The following WWOX variants were observed in gnomAD, a reference collection of about 807,000 sequenced individuals.
The protein encoded by WWOX is WW domain containing oxidoreductase, also known as WW domain-containing oxidoreductase.
In WWOX, 69 loss-of-function variants were observed where a neutral mutation model predicts 46.2. The observed-to-expected ratio is 1.49, with a 90% CI of 1.23 to 1.82. The LOEUF is 1.82. Among genes scored for constraint, WWOX ranks in the 40% most tolerant of loss-of-function variants. The pLI is 0.00. For synonymous variants in WWOX, 359 were observed against 202.6 expected (o/e 1.77, Z -6.56); for missense variants, 919 against 542.6 (o/e 1.69, Z -6.89).
chr16:78,511,335 G>A (rs1238708759), intron 8 of WWOX, among the ~76,000 whole-genome samples: 11 of 152,174 alleles, frequency 7.2e-5, no homozygotes, highest in African/African-American at 2.2e-4. Flanking sequence ...CACTATGACC[G>A]TTGACGAAGG....
chr16:78,708,265 G>A (rs1176940547), intron 8 of WWOX, among the ~76,000 whole-genome samples: 3 of 152,152 alleles, frequency 2.0e-5, no homozygotes, highest in Admixed American at 6.5e-5. Context: ...TTTTAAAAAT[G>A]TATCCCATGC....
At chr16:78,776,420 T>C (rs1184722829) in intron 8 of WWOX, among the ~76,000 whole-genome samples, 2 of 152,170 alleles carry the variant, frequency 1.3e-5, no homozygotes, top group African/African-American at 4.8e-5. Context: ...CTACTGTTCG[T>C]CAGTTTTCTC....
chr16:78,504,554 A>G (rs535732124), intron 8 of WWOX, among the ~76,000 whole-genome samples: 116 of 152,302 alleles, frequency 7.6e-4, no homozygotes, highest in African/African-American at 2.6e-3. Context: ...TGCTCAACAG[A>G]CTGGCTCATT....
At chr16:79,195,697 C>G (rs929678914) in intron 8 of WWOX, among the ~76,000 whole-genome samples, 2 of 152,246 alleles carry the variant, frequency 1.3e-5, no homozygotes, top group African/African-American at 4.8e-5. Flanking sequence ...GGAGCTAGCT[C>G]CTTGTGAAGG....
At chr16:78,676,342 A>G (rs769306163) in intron 8 of WWOX, among the ~76,000 whole-genome samples, 17 of 151,818 alleles carry the variant, frequency 1.1e-4, no homozygotes, top group Non-Finnish European at 1.5e-4. Flanking sequence ...ATTGCCCTCC[A>G]TTCAGATCTT....
At chr16:78,336,839 A>G (rs1175873327) in intron 5 of WWOX, among the ~76,000 whole-genome samples, 1 of 152,074 alleles carries the variant, frequency 6.6e-6, no homozygotes, top group Non-Finnish European at 1.5e-5. Flanking sequence ...ATTTCCCAGG[A>G]TGGAGTGCAG....
intron 8 of WWOX, among the ~76,000 whole-genome samples, chr16:78,940,858 A>G (rs892932239): frequency 6.6e-6 from 1 of 151,954 alleles, no homozygotes; most frequent in Admixed American, 6.6e-5. Context: ...GCTTCATTCT[A>G]ATAAGTTGTA....
chr16:78,789,690 G>A (rs574759929), intron 8 of WWOX, among the ~76,000 whole-genome samples: 2 of 152,112 alleles, frequency 1.3e-5, no homozygotes, highest in Non-Finnish European at 2.9e-5. Context: ...AATCATGGCA[G>A]TGTTCAATAA....
intron 8 of WWOX, among the ~76,000 whole-genome samples, chr16:78,982,162 A>G (rs1046563681): frequency 1.8e-4 from 27 of 152,188 alleles, no homozygotes; most frequent in African/African-American, 5.8e-4. Context: ...GAAAAAAAAT[A>G]AAAAGAAACG....
chr16:78,955,140 A>T (rs567739359), intron 8 of WWOX, among the ~76,000 whole-genome samples: 2 of 152,272 alleles, frequency 1.3e-5, no homozygotes, highest in South Asian at 2.1e-4. Flanking sequence ...GGCCCACAGG[A>T]AAAGGAAACT....
chr16:78,799,544 C>T (rs768372921), intron 8 of WWOX, among the ~76,000 whole-genome samples: 13 of 152,212 alleles, frequency 8.5e-5, no homozygotes, highest in African/African-American at 2.2e-4. Context: ...AAGTCCACTC[C>T]GAATCTCTGC....
At chr16:78,410,993 T>C (rs1371166588) in intron 6 of WWOX, among the ~76,000 whole-genome samples, 1 of 152,104 alleles carries the variant, frequency 6.6e-6, no homozygotes, top group Non-Finnish European at 1.5e-5. Context: ...GGCCTCTTCA[T>C]GGGGCAGTTG....
rs1292009446 is a variant in WWOX at position 78,700,920 on chromosome 16, A to G, written c.1056+268168A>G. 2.6e-5 allele frequency among the ~76,000 whole-genome samples: 4 copies of G among 152,214 alleles called. 1 individual carries two copies. The highest frequency in any genetic ancestry group is 4.1e-4 in the South Asian group (2 of 4,822). ...TATGGTGAAAATCATCTCAAAAGGC[A>G]GAGGGCAAGAAATTGATATTTATTG... is the stretch of plus-strand genomic sequence containing the variant. On this transcript the variant is annotated intron_variant, in intron 8 of 8. Coordinates refer to ENST00000566780, the MANE Select transcript of WWOX (RefSeq NM_016373.4).
intron 8 of WWOX, among the ~76,000 whole-genome samples, chr16:78,975,338 G>A (rs1387411676): frequency 6.6e-6 from 1 of 152,098 alleles, no homozygotes; most frequent in Admixed American, 6.6e-5. Flanking sequence ...GGGGGTAGAG[G>A]CCGGGGATAG....
At chr16:79,002,673 A>G (rs1269214491) in intron 8 of WWOX, among the ~76,000 whole-genome samples, 2 of 152,188 alleles carry the variant, frequency 1.3e-5, no homozygotes, top group Admixed American at 6.5e-5. Flanking sequence ...TTTAATCTTC[A>G]CAAGCAAACT....
intron 8 of WWOX, among the ~76,000 whole-genome samples, chr16:78,727,151 C>T (rs1047046212): frequency 1.3e-5 from 2 of 152,194 alleles, no homozygotes; most frequent in African/African-American, 4.8e-5. Context: ...ATAATGCCAG[C>T]ACTTTGGGAG....
At chr16:79,092,206 A>G (rs1045410805) in intron 8 of WWOX, among the ~76,000 whole-genome samples, 16 of 152,154 alleles carry the variant, frequency 1.1e-4, no homozygotes, top group Non-Finnish European at 2.1e-4. Context: ...GCAGGGAGCC[A>G]TTTATGACTA....
chr16:78,325,482 A>G (rs1290827798), intron 5 of WWOX, among the ~76,000 whole-genome samples: 1 of 152,190 alleles, frequency 6.6e-6, no homozygotes, highest in African/African-American at 2.4e-5. Context: ...AAAGAAAAGA[A>G]GTGAATTATT....
At chr16:78,859,050 G>A (rs368956547) in intron 8 of WWOX, among the ~76,000 whole-genome samples, 9,230 of 39,518 alleles carry the variant, frequency 0.23, 709 homozygotes, top group Non-Finnish European at 0.27. Context: ...ATATATATAT[G>A]TATATATATA....
Sources: gnomAD v4.1 joint callset for allele counts (sites outside exome capture counted in the v4.1 genomes callset) on GRCh38, gnomAD v4.1.1 for gene constraint, MANE v1.5 for transcripts, NCBI Gene and HGNC (gene_info 2026-07-23, HGNC 2026-07-21) for gene names.